The following SLC24A3 variants were observed in gnomAD, a reference collection of about 807,000 sequenced individuals.
SLC24A3 encodes the protein solute carrier family 24 member 3.
In SLC24A3, 28 loss-of-function variants were observed where a neutral mutation model predicts 75.8. The ratio of observed to expected loss-of-function variants is 0.37; its 90% CI spans 0.27 to 0.51. The LOEUF (loss-of-function observed/expected upper bound fraction) is 0.51, where lower values mean the gene tolerates loss of function less well. Among genes scored for constraint, SLC24A3 ranks in the 20% least tolerant of loss-of-function variants. The pLI, the probability that SLC24A3 is intolerant of heterozygous loss-of-function variation, is 0.94. For synonymous variants in SLC24A3, 372 were observed against 334.1 expected (o/e 1.11, Z -1.24); for missense variants, 663 against 847.8 (o/e 0.78, Z 2.71).
chr20:19,471,956 C>T (rs1987880679), intron 2 of SLC24A3, among the ~76,000 whole-genome samples: 1 of 152,316 alleles, frequency 6.6e-6, no homozygotes, highest in South Asian at 2.1e-4. Flanking sequence ...TATTGCTTTA[C>T]AAAGGAATTT....
intron 2 of SLC24A3, among the ~76,000 whole-genome samples, chr20:19,431,196 T>A (rs2122452483): frequency 6.6e-6 from 1 of 151,712 alleles, no homozygotes; most frequent in African/African-American, 2.4e-5. Flanking sequence ...CCCAAGGTCA[T>A]CCCTAGGGGA....
At chr20:19,214,818 C>A (rs1981509570) in intron 1 of SLC24A3, among the ~76,000 whole-genome samples, 1 of 152,162 alleles carries the variant, frequency 6.6e-6, no homozygotes, top group Non-Finnish European at 1.5e-5. Context: ...CGCATCCCTC[C>A]CTCTGTCCTA....
At chr20:19,511,576 A>T (rs1429986669) in intron 2 of SLC24A3, among the ~76,000 whole-genome samples, 2 of 151,848 alleles carry the variant, frequency 1.3e-5, no homozygotes, top group Non-Finnish European at 2.9e-5. Flanking sequence ...ATCCGCCCAC[A>T]TCGGCCTCCC....
Position 19,550,320 on chromosome 20 carries a change from A to G in SLC24A3, c.349-29680A>G, listed in dbSNP as rs550028871. ...AAATTAGAGGAAAAACATTTGTTCT[A>G]CTAATGTGTCACTTGAGAATCCCAG... is the stretch of plus-strand genomic sequence containing the variant. On this transcript the variant is annotated intron_variant, in intron 3 of 16. Transcript: ENST00000328041. Among the ~76,000 whole-genome samples the G allele has an allele frequency of 4.6e-5, 7 of 152,356 alleles. No homozygotes were observed. In the South Asian group the frequency reaches 1.2e-3, roughly 27 times the overall value.
intron 2 of SLC24A3, among the ~76,000 whole-genome samples, chr20:19,402,644 AGTT>A (rs1986573472): frequency 6.6e-6 from 1 of 152,266 alleles, no homozygotes. Context: ...GGATCAGAGA[AGTT>A]GTTTTTTTGA....
intron 2 of SLC24A3, among the ~76,000 whole-genome samples, chr20:19,397,900 AG>A (rs1986485062): frequency 6.6e-6 from 1 of 152,142 alleles, no homozygotes; most frequent in Admixed American, 6.6e-5. Context: ...ACAGAGAATG[AG>A]AAAGCTGACT....
intron 2 of SLC24A3, among the ~76,000 whole-genome samples, chr20:19,315,397 G>A (rs1984563863): frequency 6.6e-6 from 1 of 152,178 alleles, no homozygotes; most frequent in Non-Finnish European, 1.5e-5. Context: ...GCAAGTGTAT[G>A]GTTGAGGGAT....
intron 2 of SLC24A3, among the ~76,000 whole-genome samples, chr20:19,409,228 A>G (rs535647963): frequency 2.6e-5 from 4 of 152,136 alleles, no homozygotes; most frequent in Non-Finnish European, 5.9e-5. Flanking sequence ...GAGAAGGAGG[A>G]GCCCTTCCCA....
chr20:19,359,159 T>C (rs1985742191), intron 2 of SLC24A3, among the ~76,000 whole-genome samples: 1 of 152,314 alleles, frequency 6.6e-6, no homozygotes, highest in East Asian at 1.9e-4. Context: ...TGGGGCAATG[T>C]AGTAATTTTA....
intron 1 of SLC24A3, among the ~76,000 whole-genome samples, chr20:19,272,589 C>T (rs1983361865): frequency 6.6e-6 from 1 of 152,218 alleles, no homozygotes; most frequent in East Asian, 1.9e-4. Context: ...TGTCCAGCAA[C>T]CCAGAAAATC....
chr20:19,291,760 G>T (rs369038666), intron 2 of SLC24A3, among the ~76,000 whole-genome samples: 2 of 152,208 alleles, frequency 1.3e-5, no homozygotes, highest in African/African-American at 4.8e-5. Flanking sequence ...CCAGCCCTGG[G>T]CCTGCAGGAG....
At chr20:19,435,204 C>T (rs1414199031) in intron 2 of SLC24A3, among the ~76,000 whole-genome samples, 1 of 152,298 alleles carries the variant, frequency 6.6e-6, no homozygotes, top group East Asian at 1.9e-4. Flanking sequence ...TTACCAGCTG[C>T]AGAAAGTTGG....
intron 1 of SLC24A3, among the ~76,000 whole-genome samples, chr20:19,273,381 C>T (rs533922492): frequency 6.6e-6 from 1 of 152,220 alleles, no homozygotes; most frequent in Non-Finnish European, 1.5e-5. Flanking sequence ...CACAGCCTCA[C>T]ATCAGAGCCC....
chr20:19,422,021 C>T (rs376336244), intron 2 of SLC24A3, among the ~76,000 whole-genome samples: 39 of 152,214 alleles, frequency 2.6e-4, no homozygotes, highest in Middle Eastern at 3.4e-3. Flanking sequence ...TTGTCCCATC[C>T]GGGACAAAGA....
intron 2 of SLC24A3, among the ~76,000 whole-genome samples, chr20:19,466,522 C>T (rs1164565878): frequency 1.3e-5 from 2 of 152,136 alleles, no homozygotes; most frequent in African/African-American, 2.4e-5. Context: ...TGGAATAGTG[C>T]CCCATACTTC....
At chr20:19,711,873 C>T (rs969180277) in intron 15 of SLC24A3, among the ~76,000 whole-genome samples, 4 of 152,154 alleles carry the variant, frequency 2.6e-5, no homozygotes, top group Admixed American at 2.0e-4. Flanking sequence ...CTCTTGACCT[C>T]GTGATCTGCC....
At chr20:19,351,165 T>C (rs1985557012) in intron 2 of SLC24A3, among the ~76,000 whole-genome samples, 1 of 152,204 alleles carries the variant, frequency 6.6e-6, no homozygotes, top group South Asian at 2.1e-4. Context: ...GTCAACACCT[T>C]ATCTCAGTCC....
chr20:19,343,088 A>AAAAAAG (rs1568594815), intron 2 of SLC24A3, among the ~76,000 whole-genome samples: 27 of 147,238 alleles, frequency 1.8e-4, no homozygotes, highest in African/African-American at 7.2e-4. Flanking sequence ...AAAAAAAGAA[A>AAAAAAG]AAAGAAAAAG....
chr20:19,325,753 TATA>T (rs1984827712), intron 2 of SLC24A3, among the ~76,000 whole-genome samples: 1 of 71,224 alleles, frequency 1.4e-5, no homozygotes, highest in African/African-American at 8.7e-5. Flanking sequence ...TGTGTGTGTG[TATA>T]CATACATACA....
Sources: gnomAD v4.1 joint callset for allele counts (sites outside exome capture counted in the v4.1 genomes callset) on GRCh38, gnomAD v4.1.1 for gene constraint, MANE v1.5 for transcripts, NCBI Gene and HGNC (gene_info 2026-07-23, HGNC 2026-07-21) for gene names.